The following CNTNAP2 variants were observed in gnomAD, a reference collection of about 807,000 sequenced individuals.
CNTNAP2 encodes the protein contactin associated protein 2, also known as contactin-associated protein-like 2.
In CNTNAP2, 98 loss-of-function variants were observed where a neutral mutation model predicts 155.2. The ratio of observed to expected loss-of-function variants is 0.63; its 90% CI spans 0.54 to 0.75. The LOEUF is 0.75. Among genes scored for constraint, CNTNAP2 ranks in the 30% least tolerant of loss-of-function variants. The pLI, the probability that CNTNAP2 is intolerant of heterozygous loss-of-function variation, is 0.00. For synonymous variants in CNTNAP2, 651 were observed against 631.2 expected (o/e 1.03, Z -0.47); for missense variants, 1,727 against 1,688.1 (o/e 1.02, Z -0.40).
chr7:146,294,621 T>G (rs1800483542), intron 1 of CNTNAP2, among the ~76,000 whole-genome samples: 1 of 151,572 alleles, frequency 6.6e-6, no homozygotes, highest in Non-Finnish European at 1.5e-5. Flanking sequence ...TGCCATTGGT[T>G]TAAGTTTTAA....
chr7:147,633,119 C>T (rs960616203), intron 12 of CNTNAP2, among the ~76,000 whole-genome samples: 1 of 152,236 alleles, frequency 6.6e-6, no homozygotes, highest in Non-Finnish European at 1.5e-5. Flanking sequence ...GTGTGTTAGG[C>T]CCTTGGGACA....
At chr7:146,299,398 A>ATTAT (rs1038932502) in intron 1 of CNTNAP2, among the ~76,000 whole-genome samples, 1 of 152,042 alleles carries the variant, frequency 6.6e-6, no homozygotes, top group African/African-American at 2.4e-5. Context: ...AAAGCCAATG[A>ATTAT]TTATTTATTT....
At chr7:147,910,770 T>A (rs1483542131) in intron 14 of CNTNAP2, among the ~76,000 whole-genome samples, 1 of 152,110 alleles carries the variant, frequency 6.6e-6, no homozygotes, top group Non-Finnish European at 1.5e-5. Context: ...GTATGGGGGA[T>A]ACCACCCCCA....
intron 1 of CNTNAP2, among the ~76,000 whole-genome samples, chr7:146,666,776 C>A (rs1314269101): frequency 1.3e-5 from 2 of 151,952 alleles, no homozygotes; most frequent in African/African-American, 2.4e-5. Context: ...TCATTTGTTG[C>A]ATATACATGT....
At chr7:148,161,781 T>C (rs982048994) in intron 17 of CNTNAP2, among the ~76,000 whole-genome samples, 1 of 152,252 alleles carries the variant, frequency 6.6e-6, no homozygotes, top group African/African-American at 2.4e-5. Flanking sequence ...CTTGCTCTTA[T>C]TTAACAATTG....
At chr7:147,253,852 G>A (rs576820457) in intron 8 of CNTNAP2, among the ~76,000 whole-genome samples, 2 of 152,304 alleles carry the variant, frequency 1.3e-5, no homozygotes, top group African/African-American at 4.8e-5. Context: ...TCTGTGCCAA[G>A]CACTGTGCTG....
chr7:146,340,033 G>C (rs1801349862), intron 1 of CNTNAP2, among the ~76,000 whole-genome samples: 1 of 151,924 alleles, frequency 6.6e-6, no homozygotes, highest in Admixed American at 6.6e-5. Flanking sequence ...GCCGGGCATG[G>C]TGGTGGGTGC....
chr7:147,472,204 C>CTTTTTTTTTTTT (rs542047274), intron 10 of CNTNAP2, among the ~76,000 whole-genome samples: 1 of 81,068 alleles, frequency 1.2e-5, no homozygotes, highest in Non-Finnish European at 2.3e-5. Context: ...TCTTTTTTTC[C>CTTTTTTTTTTTT]TTTTTTTTTT....
intron 13 of CNTNAP2, among the ~76,000 whole-genome samples, chr7:147,657,196 A>T (rs1177099819): frequency 6.6e-6 from 1 of 152,230 alleles, no homozygotes. Flanking sequence ...TTTGCTATTA[A>T]ATTTGAAAAT....
At chr7:146,876,151 CTG>C (rs1232134950) in intron 3 of CNTNAP2, among the ~76,000 whole-genome samples, 1 of 151,850 alleles carries the variant, frequency 6.6e-6, no homozygotes, top group East Asian at 1.9e-4. Flanking sequence ...TCAGTCAGGA[CTG>C]AGAGATCTAG....
At chr7:147,262,371 A>T (rs1049353877) in intron 8 of CNTNAP2, among the ~76,000 whole-genome samples, 34 of 152,204 alleles carry the variant, frequency 2.2e-4, no homozygotes, top group Admixed American at 2.1e-3. Context: ...GTACCCTAGA[A>T]TGTGACTGTA....
At chr7:148,069,276 A>G (rs1803332072) in intron 15 of CNTNAP2, among the ~76,000 whole-genome samples, 1 of 152,138 alleles carries the variant, frequency 6.6e-6, no homozygotes, top group Non-Finnish European at 1.5e-5. Flanking sequence ...TTTTATAAGG[A>G]CTTCATAAGT....
intron 7 of CNTNAP2, among the ~76,000 whole-genome samples, chr7:147,130,969 G>A (rs576417861): frequency 1.2e-4 from 18 of 151,656 alleles, no homozygotes; most frequent in African/African-American, 4.1e-4. Context: ...AATTCAGAGA[G>A]ACTGCCTGCC....
chr7:147,145,257 G>A (rs1191031916), intron 8 of CNTNAP2, among the ~76,000 whole-genome samples: 2 of 152,068 alleles, frequency 1.3e-5, no homozygotes, highest in African/African-American at 2.4e-5. Flanking sequence ...CCTCAAAATC[G>A]GTGGTTCTCA....
At chr7:147,858,715 G>A (rs1006984367) in intron 13 of CNTNAP2, among the ~76,000 whole-genome samples, 3 of 152,110 alleles carry the variant, frequency 2.0e-5, no homozygotes, top group South Asian at 2.1e-4. Context: ...CAGGGAGGGC[G>A]CCAGGTGAGG....
At chr7:147,379,616 C>T (rs1175395491) in intron 9 of CNTNAP2, among the ~76,000 whole-genome samples, 2 of 152,036 alleles carry the variant, frequency 1.3e-5, no homozygotes, top group Non-Finnish European at 2.9e-5. Flanking sequence ...ATGGCTTATG[C>T]ATTCTCAAGA....
chr7:146,744,182 C>G, intron 1 of CNTNAP2, among the ~76,000 whole-genome samples: 1 of 135,460 alleles, frequency 7.4e-6, no homozygotes, highest in Admixed American at 8.1e-5. Context: ...GAACAGAGAT[C>G]GCACTATTGC....
chr7:146,118,134 G>T (rs1344607464), intron 1 of CNTNAP2, among the ~76,000 whole-genome samples: 2 of 152,048 alleles, frequency 1.3e-5, no homozygotes, highest in African/African-American at 4.8e-5. Context: ...CATTGAAAAA[G>T]GACATTATAA....
At position 147,675,455 on chromosome 7, in the gene CNTNAP2, C is replaced by T. The variant is rs1183667528; in HGVS notation, c.2098+36149C>T. The stretch of plus-strand genomic sequence containing the variant: ...GACCCTTATGGGAGACCACTAGTGT[C>T]GATCCTGGTTCAACTCTAAAGGCCT... On this transcript the variant is annotated intron_variant, in intron 13 of 23. Transcript: ENST00000361727. Among the ~76,000 whole-genome samples the T allele has an allele frequency of 2.6e-5, 4 of 152,024 alleles. No homozygotes were observed. The East Asian group carries it at 7.7e-4, about 29-fold the overall frequency.
Sources: gnomAD v4.1 joint callset for allele counts (sites outside exome capture counted in the v4.1 genomes callset) on GRCh38, gnomAD v4.1.1 for gene constraint, MANE v1.5 for transcripts, NCBI Gene and HGNC (gene_info 2026-07-23, HGNC 2026-07-21) for gene names.